The following RAB27B variants were observed in gnomAD, a reference collection of about 807,000 sequenced individuals.
RAB27B encodes the protein RAB27B, member RAS oncogene family, also known as ras-related protein Rab-27B.
A neutral mutation model predicts 24.6 loss-of-function variants in RAB27B; 15 were observed. The ratio of observed to expected loss-of-function variants is 0.61; its 90% CI spans 0.41 to 0.94. RAB27B has a LOEUF of 0.94. RAB27B is among the 40% of genes least tolerant of loss of function. The pLI, the probability that RAB27B is intolerant of heterozygous loss-of-function variation, is 0.00. For missense variants in RAB27B, 261 were observed against 266.8 expected (o/e 0.98, Z 0.15); for synonymous variants, 105 against 92.5 (o/e 1.14, Z -0.78).
At chr18:54,873,685 CTGTG>C (rs56409312) in intron 1 of RAB27B, among the ~76,000 whole-genome samples, 12,393 of 140,412 alleles carry the variant, frequency 0.088, 619 homozygotes, top group African/African-American at 0.14. Context: ...GAGCCAAATC[CTGTG>C]TGTGTGTGTG....
intron 2 of RAB27B, among the ~76,000 whole-genome samples, chr18:54,742,754 C>T (rs1475324121): frequency 6.6e-6 from 1 of 152,168 alleles, no homozygotes; most frequent in Non-Finnish European, 1.5e-5. Flanking sequence ...GAGGATGCTG[C>T]CCACTTGCAT....
intron 2 of RAB27B, among the ~76,000 whole-genome samples, chr18:54,728,875 C>CAAAAAAAAAA (rs56161105): frequency 2.7e-5 from 1 of 36,658 alleles, no homozygotes; most frequent in Non-Finnish European, 4.2e-5. Flanking sequence ...GACTCTGTCT[C>CAAAAAAAAAA]AAAAAAAAAA....
chr18:54,821,391 A>G (rs1011838408), intron 2 of RAB27B, among the ~76,000 whole-genome samples: 2 of 152,196 alleles, frequency 1.3e-5, no homozygotes, highest in African/African-American at 4.8e-5. Flanking sequence ...AAAAGAGGAT[A>G]CAAACAAATG....
intron 2 of RAB27B, among the ~76,000 whole-genome samples, chr18:54,743,071 T>C (rs1166880120): frequency 6.6e-6 from 1 of 152,226 alleles, no homozygotes; most frequent in African/African-American, 2.4e-5. Flanking sequence ...CTGTATAACA[T>C]AATCTCAAGC....
chr18:54,888,204 A>C, intron 5 of RAB27B, 86 bp downstream of exon 5: 1 of 1,467,906 alleles, frequency 6.8e-7, no homozygotes, highest in South Asian at 1.4e-5. Flanking sequence ...TATTAGAAGA[A>C]ATCCCCTTAA....
intron 2 of RAB27B, among the ~76,000 whole-genome samples, chr18:54,803,283 T>C (rs1909667879): frequency 6.6e-6 from 1 of 152,032 alleles, no homozygotes; most frequent in East Asian, 1.9e-4. Context: ...AATTGGGAGT[T>C]GGAAGTAGCA....
chr18:54,855,739 T>C (rs1341005652), intron 1 of RAB27B, among the ~76,000 whole-genome samples: 1 of 152,238 alleles, frequency 6.6e-6, no homozygotes. Context: ...TACTCATTCA[T>C]CAGGGTCCCT....
At chr18:54,856,113 G>T (rs377637387) in intron 1 of RAB27B, among the ~76,000 whole-genome samples, 109 of 152,282 alleles carry the variant, frequency 7.2e-4, no homozygotes, top group African/African-American at 2.6e-3. Flanking sequence ...CTATAAAAAA[G>T]AATTAAAATA....
chr18:54,741,178 G>T (rs1598871043), intron 2 of RAB27B, among the ~76,000 whole-genome samples: 1 of 152,062 alleles, frequency 6.6e-6, no homozygotes, highest in East Asian at 1.9e-4. Context: ...TTTAAATTTT[G>T]AATTAGTAAA....
Position 54,889,298 on chromosome 18 carries a change from T to C in RAB27B, c.542T>C (p.Ile181Thr). The C allele has an allele frequency of 6.2e-7, 1 of 1,613,418 alleles. No homozygotes were observed. Among genetic ancestry groups the C allele is most frequent in the Non-Finnish European group, 8.5e-7 (1 of 1,179,498 alleles). ...EKAVETLLDL[I>T]MKRMEQCVEK... ...GCTGTAGAAACCCTTTTGGACTTAA[T>C]CATGAAGCGAATGGAACAGTGTGTG... The change falls in exon 6 of 6, where the codon ATC becomes ACC. Residue 181 changes from isoleucine to threonine, a missense_variant. By Grantham distance (89) the Ile-to-Thr change is moderately conservative. Coordinates refer to ENST00000262094, the MANE Select transcript of RAB27B (RefSeq NM_004163.4).
intron 1 of RAB27B, among the ~76,000 whole-genome samples, chr18:54,876,882 C>T (rs1912724669): frequency 6.6e-6 from 1 of 152,034 alleles, no homozygotes; most frequent in Non-Finnish European, 1.5e-5. Flanking sequence ...CTTCCTAATA[C>T]CATCCTCTAA....
intron 2 of RAB27B, among the ~76,000 whole-genome samples, chr18:54,725,129 T>A (rs1052858883): frequency 6.6e-6 from 1 of 151,454 alleles, no homozygotes; most frequent in African/African-American, 2.4e-5. Flanking sequence ...ATCAGATAGA[T>A]CTGAGGGCAC....
intron 1 of RAB27B, among the ~76,000 whole-genome samples, chr18:54,857,036 G>T (rs1490949403): frequency 6.6e-6 from 1 of 152,058 alleles, no homozygotes; most frequent in Non-Finnish European, 1.5e-5. Context: ...TGGGTTTAGG[G>T]ATCTACATGC....
intron 2 of RAB27B, among the ~76,000 whole-genome samples, chr18:54,748,502 G>T (rs1910326429): frequency 6.6e-6 from 1 of 152,134 alleles, no homozygotes; most frequent in Non-Finnish European, 1.5e-5. Context: ...TGTGAAAAAA[G>T]GCAGTAGTTA....
intron 1 of RAB27B, among the ~76,000 whole-genome samples, chr18:54,877,194 T>C (rs1912737601): frequency 2.0e-5 from 3 of 152,042 alleles, no homozygotes; most frequent in Admixed American, 2.0e-4. Context: ...AAGAGATTCC[T>C]TCTGCAATGA....
At chr18:54,769,522 A>G (rs1908477789) in intron 2 of RAB27B, among the ~76,000 whole-genome samples, 1 of 151,748 alleles carries the variant, frequency 6.6e-6, no homozygotes, top group South Asian at 2.1e-4. Flanking sequence ...ATATTTATTC[A>G]AAGTCTATGA....
intron 2 of RAB27B, among the ~76,000 whole-genome samples, chr18:54,812,272 T>C (rs1037808835): frequency 4.9e-5 from 7 of 143,420 alleles, no homozygotes; most frequent in Non-Finnish European, 9.3e-5. Flanking sequence ...GATTTGAGTT[T>C]CCGGGTTCTC....
At chr18:54,818,354 TAATC>T (rs1910185033) in intron 2 of RAB27B, among the ~76,000 whole-genome samples, 1 of 152,154 alleles carries the variant, frequency 6.6e-6, no homozygotes, top group Admixed American at 6.5e-5. Context: ...GCATCTATAT[TAATC>T]AATTCATCCT....
chr18:54,848,669 A>G (rs984610557), intron 1 of RAB27B, among the ~76,000 whole-genome samples: 2 of 152,236 alleles, frequency 1.3e-5, no homozygotes, highest in Non-Finnish European at 2.9e-5. Context: ...ATTTTAATGC[A>G]GATTAACTGT....
Sources: allele counts gnomAD v4.1 joint callset (sites outside exome capture counted in the v4.1 genomes callset), GRCh38; gene constraint gnomAD v4.1.1; transcripts MANE v1.5; gene names NCBI Gene and HGNC (gene_info 2026-07-23, HGNC 2026-07-21).